The following SLC23A2 variants were observed in gnomAD, a reference collection of about 807,000 sequenced individuals.
The protein encoded by SLC23A2 is Na(+)/L-ascorbic acid transporter 2.
Under a neutral mutation model 73.3 loss-of-function variants are expected in SLC23A2, and 36 were observed. The ratio of observed to expected loss-of-function variants is 0.49; its 90% CI spans 0.38 to 0.65. The LOEUF (loss-of-function observed/expected upper bound fraction) is 0.65. Ranked by LOEUF, SLC23A2 falls within the 30% of genes least tolerant of loss-of-function variation. The pLI is 0.00. For synonymous variants in SLC23A2, 343 were observed against 327.3 expected, an observed-to-expected ratio of 1.05 and a Z score of -0.52; for missense variants, 507 against 841.6, an observed-to-expected ratio of 0.60 and a Z score of 4.92.
At chr20:4,923,699 C>T (rs1204704028) in intron 3 of SLC23A2, among the ~76,000 whole-genome samples, 2 of 152,162 alleles carry the variant, frequency 1.3e-5, no homozygotes, top group African/African-American at 4.8e-5. Context: ...GATCTAAGTA[C>T]TCCAAACTCT....
chr20:4,972,433 G>A (rs1458379915), intron 1 of SLC23A2, among the ~76,000 whole-genome samples: 1 of 150,378 alleles, frequency 6.6e-6, no homozygotes, highest in Non-Finnish European at 1.5e-5. Context: ...TTATTAGAAC[G>A]TGAATGAAGA....
At position 4,956,630 on chromosome 20, in the gene SLC23A2, C is replaced by T. The variant is rs1181095573; in HGVS notation, c.-155+14163G>A. On this transcript the variant is annotated intron_variant, in intron 2 of 16. Transcript: ENST00000338244. ...AGGTATCTCTGTGGGCCCTTCTCTG[C>T]CATTCGATTAGTAATTCAACTAATA... Among the ~76,000 whole-genome samples the T allele has an allele frequency of 2.6e-5, 4 of 152,100 alleles. No homozygotes were observed. In the East Asian group the frequency reaches 5.8e-4, roughly 22 times the overall value.
At position 4,930,082 on chromosome 20, in the gene SLC23A2, G is replaced by A. The variant is rs909264093; in HGVS notation, c.108+2373C>T. Reference sequence around the variant, plus strand: ...TACAATGATGAATTCAACTGCTAACGATAAAATACTACAAGTTTAACCTAG... The same window carrying A: ...TACAATGATGAATTCAACTGCTAACAATAAAATACTACAAGTTTAACCTAG... On this transcript the variant is annotated intron_variant, in intron 3 of 16. Transcript: ENST00000338244. Among the ~76,000 whole-genome samples the A allele has an allele frequency of 3.3e-5, 5 of 152,318 alleles. No individual in the cohort carries two copies. In the East Asian group the frequency reaches 9.6e-4, roughly 29 times the overall value.
chr20:4,857,283 T>TACACACACACACACAC lies in SLC23A2; in HGVS notation c.1721-95_1721-80dup, dbSNP rs398035250. 8 of 421,082 alleles carry TACACACACACACACAC rather than the reference T, an allele frequency of 1.9e-5. No individual in the cohort carries two copies. The highest frequency in any genetic ancestry group is 1.0e-4 in the East Asian group (2 of 19,372). The allele number at this position is 421,082 out of a possible 1,614,324, so 26.1% of individuals were successfully genotyped here. On this transcript the variant is annotated intron_variant, in intron 16 of 16. Transcript: ENST00000338244. The surrounding 1 kb of genome is among the most constrained non-coding windows in gnomAD (Gnocchi z 4.0). ...GAAAATGAAACTGTCGTCAAACACATACACACACACACACACACACACACA... is the reference window on the plus strand; with the variant it reads ...GAAAATGAAACTGTCGTCAAACACATACACACACACACACACACACACACACACACACACACACACA...
intron 2 of SLC23A2, among the ~76,000 whole-genome samples, chr20:4,969,176 C>T (rs868596108): frequency 6.6e-6 from 1 of 151,882 alleles, no homozygotes; most frequent in Admixed American, 6.6e-5. Context: ...AACCTCCTGC[C>T]TCCCAGGTTC....
At chr20:4,861,207 C>T (rs1929952874) in intron 15 of SLC23A2, among the ~76,000 whole-genome samples, 4 of 152,230 alleles carry the variant, frequency 2.6e-5, no homozygotes, top group South Asian at 2.1e-4. Flanking sequence ...TGGCTGCCAG[C>T]GGGTGGGAGC....
chr20:4,993,410 G>GAAAAAAAAAAAAAAAAAAA (rs3055956), intron 1 of SLC23A2, among the ~76,000 whole-genome samples: 1 of 121,532 alleles, frequency 8.2e-6, no homozygotes, highest in South Asian at 2.6e-4. Flanking sequence ...GCCAAAATCC[G>GAAAAAAAAAAAAAAAAAAA]AAAAAAAAAA....
intron 1 of SLC23A2, among the ~76,000 whole-genome samples, chr20:4,982,979 C>T (rs944924036): frequency 6.6e-6 from 1 of 152,118 alleles, no homozygotes; most frequent in Non-Finnish European, 1.5e-5. Context: ...GTAGCACACG[C>T]CTGTAATCCC....
Position 4,869,936 on chromosome 20 carries a change from G to GC in SLC23A2, c.1219dup (p.Ala407GlyfsTer23). ...TATTGCGTGGATGGGGGGGGGTGGG[G>GC]CACAGGACAGCCGTGCACAGGCGTA... On this transcript the variant is annotated frameshift_variant, in exon 12 of 17. Coordinates refer to ENST00000338244, the MANE Select transcript of SLC23A2 (RefSeq NM_005116.6). LOFTEE classifies it high-confidence loss of function. 6.3e-7 allele frequency: 1 copy of GC among 1,576,852 alleles called. No individual in the cohort carries two copies. Among genetic ancestry groups the GC allele is most frequent in the Non-Finnish European group, 8.7e-7 (1 of 1,148,322 alleles).
chr20:4,995,141 G>T (rs1036381413), intron 1 of SLC23A2, among the ~76,000 whole-genome samples: 10 of 152,172 alleles, frequency 6.6e-5, no homozygotes, highest in African/African-American at 2.4e-4. Flanking sequence ...ATATTCACTT[G>T]AACAAAGGAA....
upstream of SLC23A2, among the ~76,000 whole-genome samples, chr20:5,003,548 A>C (rs1202250028): frequency 6.6e-6 from 1 of 150,780 alleles, no homozygotes; most frequent in African/African-American, 2.4e-5. Context: ...GTGTTTGCTT[A>C]GCAAGGAATG....
intron 1 of SLC23A2, among the ~76,000 whole-genome samples, chr20:4,991,972 T>A (rs1019054141): frequency 6.6e-6 from 1 of 151,950 alleles, no homozygotes; most frequent in African/African-American, 2.4e-5. Flanking sequence ...TAGCCAGGCG[T>A]GGTGGCACAT....
At chr20:4,969,735 C>T (rs2087533632) in intron 2 of SLC23A2, among the ~76,000 whole-genome samples, 1 of 152,022 alleles carries the variant, frequency 6.6e-6, no homozygotes, top group African/African-American at 2.4e-5. Context: ...TAGGCGTGCA[C>T]CACCACATCC....
At chr20:4,959,859 T>C (rs2087352590) in intron 2 of SLC23A2, among the ~76,000 whole-genome samples, 1 of 151,596 alleles carries the variant, frequency 6.6e-6, no homozygotes, top group Admixed American at 6.6e-5. Flanking sequence ...TCATAGCTCA[T>C]TGCAGCATCA....
chr20:4,862,805 G>A lies in SLC23A2; in HGVS notation c.1459C>T (p.Leu487=), dbSNP rs1256612038. The part of the protein sequence containing the change: ...ALFASLPDPV[L]GALFCTLFGM... ...AAGAGCGTGCAGAACAGGGCTCCCA[G>A]CACAGGATCCGGAAGGGACGCAAAG... is the stretch of plus-strand genomic sequence containing the variant. Residue 487 remains leucine, a synonymous_variant, in exon 14 of 17, where the codon CTG becomes TTG. Transcript: ENST00000338244. The surrounding 1 kb of genome is among the most constrained non-coding windows in gnomAD (Gnocchi z 5.1). The A allele has an allele frequency of 6.2e-7, 1 of 1,613,830 alleles. No homozygotes were observed. Among genetic ancestry groups the A allele is most frequent in the African/African-American group, 1.3e-5 (1 of 74,916 alleles).
Position 4,856,735 on chromosome 20 carries a change from T to C in SLC23A2, c.*237A>G, listed in dbSNP as rs1052474267. The C allele has an allele frequency of 2.1e-6, 1 of 466,164 alleles. No individual in the cohort carries two copies. Among genetic ancestry groups the C allele is most frequent in the Non-Finnish European group, 3.8e-6 (1 of 261,688 alleles). 28.9% of individuals were successfully genotyped at this position (466,164 alleles called of 1,614,324 possible). ...ACTGGAACTTCAAATTTAGTGACCA[T>C]GGCCAGCAATGGACACTCTCAAAGG... is the stretch of plus-strand genomic sequence containing the variant. On this transcript the variant is annotated 3_prime_UTR_variant, in exon 17 of 17. Transcript: ENST00000338244. This position sits in a 1 kb window ranked among gnomAD's most constrained non-coding sequence, Gnocchi z 4.6.
In SLC23A2 at chr20:4,887,236, G is replaced by A. The variant is rs190446421; in HGVS notation, c.483-1327C>T. On this transcript the variant is annotated intron_variant, in intron 6 of 16. Coordinates refer to ENST00000338244, the MANE Select transcript of SLC23A2 (RefSeq NM_005116.6). ...GGCCCAGAGGATAGCGGAAGTGAAGGACACCTGAAGTGGGAATGTACGTCA... is the reference window on the plus strand; with the variant it reads ...GGCCCAGAGGATAGCGGAAGTGAAGAACACCTGAAGTGGGAATGTACGTCA... Among the ~76,000 whole-genome samples the A allele has an allele frequency of 1.8e-3, 281 of 152,336 alleles. 1 individual carries two copies. Among genetic ancestry groups the A allele is most frequent in the African/African-American group, 6.0e-3 (251 of 41,572 alleles).
At chr20:4,956,865 T>C (rs768286929) in intron 2 of SLC23A2, among the ~76,000 whole-genome samples, 2 of 145,474 alleles carry the variant, frequency 1.4e-5, no homozygotes, top group Non-Finnish European at 3.0e-5. Flanking sequence ...TAGAGTGCAA[T>C]GGCGCGATCT....
At chr20:4,952,751 G>A (rs1384588230) in intron 2 of SLC23A2, among the ~76,000 whole-genome samples, 8 of 152,198 alleles carry the variant, frequency 5.3e-5, no homozygotes, top group East Asian at 1.9e-4. Context: ...TAGGCCAGGC[G>A]CAGTGGCTCA....
Sources: allele counts gnomAD v4.1 joint callset (sites outside exome capture counted in the v4.1 genomes callset), GRCh38; gene constraint gnomAD v4.1.1; non-coding constraint Gnocchi (gnomAD v3.1); transcripts MANE v1.5; gene names NCBI Gene and HGNC (gene_info 2026-07-23, HGNC 2026-07-21).